The following FGGY variants were observed in gnomAD, a reference collection of about 807,000 sequenced individuals.
FGGY encodes the protein FGGY carbohydrate kinase domain containing, also known as FGGY carbohydrate kinase domain-containing protein.
A neutral mutation model predicts 71.3 loss-of-function variants in FGGY; 72 were observed. The ratio of observed to expected loss-of-function variants is 1.01; its 90% CI spans 0.84 to 1.23. The LOEUF (loss-of-function observed/expected upper bound fraction) is 1.23, where lower values mean the gene tolerates loss of function less well. Ranked by LOEUF, FGGY falls within the 50% of genes most tolerant of loss-of-function variation. The probability of loss-of-function intolerance (pLI) is 0.00; values close to 1 mark genes in which losing one functional copy is unlikely to be tolerated. For missense variants in FGGY, 668 were observed against 682.3 expected (o/e 0.98, Z 0.23); for synonymous variants, 251 against 250.3 (o/e 1.00, Z -0.02).
chr1:59,652,083 C>T (rs2097168430), intron 11 of FGGY, among the ~76,000 whole-genome samples: 2 of 151,916 alleles, frequency 1.3e-5, no homozygotes, highest in Admixed American at 6.6e-5. Flanking sequence ...TATTGGCCCC[C>T]ACTCTCTTCT....
At chr1:59,588,444 C>T (rs559278476) in intron 8 of FGGY, among the ~76,000 whole-genome samples, 7,817 of 151,442 alleles carry the variant, frequency 0.052, 391 homozygotes, top group African/African-American at 0.13. Context: ...ATACAGAGAA[C>T]GCCACAAAGA....
intron 1 of FGGY, among the ~76,000 whole-genome samples, chr1:59,301,247 T>G (rs569698587): frequency 5.9e-4 from 90 of 152,346 alleles, no homozygotes; most frequent in African/African-American, 2.2e-3. Flanking sequence ...TATTAAAATT[T>G]TATGTATTTT....
chr1:59,402,746 A>G (rs1379984838), intron 5 of FGGY, among the ~76,000 whole-genome samples: 1 of 152,190 alleles, frequency 6.6e-6, no homozygotes, highest in Non-Finnish European at 1.5e-5. Flanking sequence ...CTGGTCCACC[A>G]GGAACAGAAA....
chr1:59,661,207 T>C (rs1455757733), intron 12 of FGGY, among the ~76,000 whole-genome samples: 2 of 152,260 alleles, frequency 1.3e-5, no homozygotes, highest in Non-Finnish European at 2.9e-5. Context: ...CACAACTGTT[T>C]TCATAACTTT....
At chr1:59,430,508 A>C (rs2067152512) in intron 5 of FGGY, among the ~76,000 whole-genome samples, 1 of 152,152 alleles carries the variant, frequency 6.6e-6, no homozygotes, top group Non-Finnish European at 1.5e-5. Context: ...GGTTGGGTCC[A>C]ATTGGATTTT....
At chr1:59,546,930 C>T (rs2095535571) in intron 7 of FGGY, among the ~76,000 whole-genome samples, 1 of 147,870 alleles carries the variant, frequency 6.8e-6, no homozygotes. Context: ...CTTCATGAAA[C>T]ATTGGGATTA....
chr1:59,611,349 C>G (rs1003853191), intron 9 of FGGY, among the ~76,000 whole-genome samples: 3 of 152,126 alleles, frequency 2.0e-5, no homozygotes, highest in South Asian at 2.1e-4. Flanking sequence ...AACATTTCTG[C>G]AATATTTGCT....
intron 10 of FGGY, among the ~76,000 whole-genome samples, chr1:59,629,448 A>G (rs2096888460): frequency 6.6e-6 from 1 of 152,212 alleles, no homozygotes; most frequent in African/African-American, 2.4e-5. Context: ...AGGAGTCTTT[A>G]GTTATAATGC....
At chr1:59,463,372 G>A (rs1235501923) in intron 6 of FGGY, among the ~76,000 whole-genome samples, 5 of 152,048 alleles carry the variant, frequency 3.3e-5, no homozygotes, top group Admixed American at 6.6e-5. Context: ...CACTACACAC[G>A]GAAAGGAACA....
chr1:59,607,692 A>G lies in FGGY; in HGVS notation c.904-111A>G, dbSNP rs2096636429. On this transcript the variant is annotated intron_variant, in intron 8 of 15. Coordinates refer to ENST00000303721, the MANE Select transcript of FGGY (RefSeq NM_018291.5). ...GGAGAGAGTGACTTCCCCACCATAAAAGGCATTCAATAAGAAGCTGAATTC... is the reference window on the plus strand; with the variant it reads ...GGAGAGAGTGACTTCCCCACCATAAGAGGCATTCAATAAGAAGCTGAATTC... 9.3e-6 allele frequency: 7 copies of G among 749,382 alleles called. No individual in the cohort carries two copies. In the Admixed American group the frequency reaches 1.6e-4, roughly 18 times the overall value. 46.4% of individuals were successfully genotyped at this position (749,382 alleles called of 1,614,324 possible). A position where few individuals can be genotyped will look rare whatever the true frequency, so the allele number is the denominator to read the frequency against.
At chr1:59,320,747 A>C (rs970559923) in intron 1 of FGGY, among the ~76,000 whole-genome samples, 2 of 152,204 alleles carry the variant, frequency 1.3e-5, no homozygotes, top group Non-Finnish European at 2.9e-5. Flanking sequence ...CTCTTCTCCA[A>C]ACCTATACAG....
At chr1:59,525,919 T>C (rs2094963663) in intron 7 of FGGY, among the ~76,000 whole-genome samples, 1 of 152,240 alleles carries the variant, frequency 6.6e-6, no homozygotes, top group African/African-American at 2.4e-5. Flanking sequence ...TATTTATACA[T>C]GTATGTGTAT....
intron 5 of FGGY, among the ~76,000 whole-genome samples, chr1:59,395,054 C>A (rs2061164074): frequency 6.6e-6 from 1 of 152,120 alleles, no homozygotes. Flanking sequence ...TGGGCAGTTA[C>A]ACAGACTCTT....
intron 5 of FGGY, among the ~76,000 whole-genome samples, chr1:59,447,553 G>A (rs1055182207): frequency 6.6e-6 from 1 of 152,152 alleles, no homozygotes; most frequent in Non-Finnish European, 1.5e-5. Context: ...ACCTTGAATT[G>A]TAGCTCTGGT....
chr1:59,536,050 T>G (rs7546244), intron 7 of FGGY, among the ~76,000 whole-genome samples: 70 of 151,518 alleles, frequency 4.6e-4, no homozygotes, highest in African/African-American at 1.6e-3. Flanking sequence ...AGGAGCTGGT[T>G]TTTTGAAAGG....
chr1:59,487,167 A>G (rs1358883195), intron 6 of FGGY, among the ~76,000 whole-genome samples: 1 of 152,158 alleles, frequency 6.6e-6, no homozygotes, highest in Admixed American at 6.5e-5. Flanking sequence ...AAGCCAACCC[A>G]GGGAAGAGCT....
At chr1:59,644,310 T>C (rs1035096641) in intron 11 of FGGY, among the ~76,000 whole-genome samples, 2 of 152,212 alleles carry the variant, frequency 1.3e-5, no homozygotes, top group African/African-American at 4.8e-5. Context: ...ATTTTCTTTT[T>C]GTTCTGGTAA....
chr1:59,505,609 A>C (rs991878661), intron 6 of FGGY, among the ~76,000 whole-genome samples: 1 of 151,874 alleles, frequency 6.6e-6, no homozygotes, highest in Non-Finnish European at 1.5e-5. Flanking sequence ...CCTGGAACCA[A>C]CTCTCCTCCT....
At chr1:59,745,737 C>A (rs751269034) in intron 14 of FGGY, among the ~76,000 whole-genome samples, 7 of 152,104 alleles carry the variant, frequency 4.6e-5, no homozygotes, top group Non-Finnish European at 1.0e-4. Context: ...CGGTAAATGA[C>A]ACAAAAGATG....
Sources: allele counts gnomAD v4.1 joint callset (sites outside exome capture counted in the v4.1 genomes callset), GRCh38; gene constraint gnomAD v4.1.1; transcripts MANE v1.5; gene names NCBI Gene and HGNC (gene_info 2026-07-23, HGNC 2026-07-21).